CEP112: variants seen among roughly 807,000 people sequenced by gnomAD.
The protein encoded by CEP112 is centrosomal protein 112, also known as centrosomal protein of 112 kDa.
CEP112 carries 127 observed loss-of-function variants against 153.0 expected under a neutral mutation model. The observed-to-expected ratio is 0.83, with a 90% CI of 0.72 to 0.96. The LOEUF (loss-of-function observed/expected upper bound fraction) is 0.96, where lower values mean the gene tolerates loss of function less well. Among genes scored for constraint, CEP112 ranks in the 40% least tolerant of loss-of-function variants. The pLI, the probability that CEP112 is intolerant of heterozygous loss-of-function variation, is 0.00. For synonymous variants in CEP112, 358 were observed against 374.4 expected, an observed-to-expected ratio of 0.96 and a Z score of 0.51; for missense variants, 1,089 against 1,101.2, an observed-to-expected ratio of 0.99 and a Z score of 0.16.
chr17:65,708,084 C>T (rs1202948794), intron 23 of CEP112, among the ~76,000 whole-genome samples: 1 of 152,068 alleles, frequency 6.6e-6, no homozygotes, highest in Middle Eastern at 3.2e-3. Flanking sequence ...TGAAATGAAC[C>T]ACCACAAACC....
chr17:65,932,214 T>G (rs2061150972), intron 18 of CEP112, among the ~76,000 whole-genome samples: 1 of 152,188 alleles, frequency 6.6e-6, no homozygotes, highest in Non-Finnish European at 1.5e-5. Context: ...TCATGGTCAC[T>G]ATCAGCTGGT....
intron 24 of CEP112, among the ~76,000 whole-genome samples, chr17:65,642,333 C>A (rs2045188937): frequency 6.6e-6 from 1 of 152,152 alleles, no homozygotes; most frequent in African/African-American, 2.4e-5. Flanking sequence ...TTGTGTACGA[C>A]TGAGTTGAGT....
At chr17:65,924,945 A>G (rs1174404636) in intron 19 of CEP112, among the ~76,000 whole-genome samples, 2 of 151,814 alleles carry the variant, frequency 1.3e-5, no homozygotes, top group Non-Finnish European at 2.9e-5. Context: ...CAGTACTCTC[A>G]CCCTTCCCCT....
intron 24 of CEP112, among the ~76,000 whole-genome samples, chr17:65,675,607 C>T (rs2047193836): frequency 6.6e-6 from 1 of 150,930 alleles, no homozygotes; most frequent in African/African-American, 2.4e-5. Flanking sequence ...AACTTTAACA[C>T]CAACATCCGA....
At chr17:66,095,270 T>G (rs987697458) in intron 8 of CEP112, among the ~76,000 whole-genome samples, 1 of 151,674 alleles carries the variant, frequency 6.6e-6, no homozygotes, top group Non-Finnish European at 1.5e-5. Context: ...ATGAAAAAAA[T>G]GTGATATATA....
intron 16 of CEP112, among the ~76,000 whole-genome samples, chr17:66,019,380 G>A (rs1056563345): frequency 9.9e-5 from 15 of 152,098 alleles, no homozygotes; most frequent in African/African-American, 3.1e-4. Context: ...CAGAGCTACG[G>A]AAGATTTATG....
chr17:65,761,323 A>G lies in CEP112; in HGVS notation c.2395-10599T>C, dbSNP rs1057163815. Reference sequence around the variant, plus strand: ...AAGACAGGGTCTCACTATGTTGCTCAGGCTGGATTCAAACTCCTAGGCACA... The same window carrying G: ...AAGACAGGGTCTCACTATGTTGCTCGGGCTGGATTCAAACTCCTAGGCACA... On this transcript the variant is annotated intron_variant, in intron 21 of 26. Transcript: ENST00000535342. Among the ~76,000 whole-genome samples the G allele has an allele frequency of 2.0e-4, 30 of 152,034 alleles. 1 individual carries two copies. The highest frequency in any genetic ancestry group is 7.0e-4 in the African/African-American group (29 of 41,508).
At chr17:65,974,972 TAAGGAC>T (rs2062978849) in intron 17 of CEP112, among the ~76,000 whole-genome samples, 1 of 151,266 alleles carries the variant, frequency 6.6e-6, no homozygotes, top group South Asian at 2.1e-4. Flanking sequence ...AAAAATGAAA[TAAGGAC>T]AGGAGAGGGA....
chr17:65,648,221 A>G (rs189935968), intron 24 of CEP112, among the ~76,000 whole-genome samples: 1 of 152,208 alleles, frequency 6.6e-6, no homozygotes, highest in East Asian at 1.9e-4. Flanking sequence ...CACCAAAGAG[A>G]GGGGCTTCCC....
intron 21 of CEP112, among the ~76,000 whole-genome samples, chr17:65,838,533 T>C (rs1477537609): frequency 6.6e-6 from 1 of 152,026 alleles, no homozygotes; most frequent in Non-Finnish European, 1.5e-5. Flanking sequence ...TAACAATAAA[T>C]GCCTACATCA....
intron 17 of CEP112, among the ~76,000 whole-genome samples, chr17:65,982,976 T>C (rs568935091): frequency 2.0e-5 from 3 of 152,288 alleles, no homozygotes; most frequent in Non-Finnish European, 2.9e-5. Context: ...AGGTCACATA[T>C]TGTATGATTC....
intron 23 of CEP112, among the ~76,000 whole-genome samples, chr17:65,689,422 G>C (rs577696130): frequency 2.2e-5 from 3 of 137,094 alleles, no homozygotes; most frequent in African/African-American, 7.7e-5. Flanking sequence ...AAATTCCAAA[G>C]TTATAAAATA....
chr17:65,927,773 G>T, intron 18 of CEP112, 84 bp from the exon 19 acceptor site: 1 of 778,528 alleles, frequency 1.3e-6, no homozygotes, highest in Non-Finnish European at 1.9e-6. Flanking sequence ...TTGTTTAAAT[G>T]ACAGATTTTA....
At chr17:65,896,613 T>C (rs1240002679) in intron 20 of CEP112, among the ~76,000 whole-genome samples, 1 of 152,076 alleles carries the variant, frequency 6.6e-6, no homozygotes, top group African/African-American at 2.4e-5. Flanking sequence ...TGCATACTAA[T>C]GAAACATGAT....
At chr17:65,997,883 T>A (rs1182221092) in intron 17 of CEP112, among the ~76,000 whole-genome samples, 1 of 151,858 alleles carries the variant, frequency 6.6e-6, no homozygotes, top group East Asian at 1.9e-4. Context: ...GGAAGCAACA[T>A]ATTGAGGCTA....
Position 66,029,765 on chromosome 17 carries a change from C to G in CEP112, c.1373+104G>C, listed in dbSNP as rs2065383693. The G allele has an allele frequency of 7.3e-6, 7 of 959,518 alleles. 1 individual carries two copies. Among genetic ancestry groups the G allele is most frequent in the Non-Finnish European group, 1.1e-5 (7 of 652,248 alleles). 59.4% of individuals were successfully genotyped at this position (959,518 alleles called of 1,614,324 possible). ...AGCAGTATTTAGATTAGAAACTTCC[C>G]AAGGCTAAACGCACAAGGTGTAATT... On this transcript the variant is annotated intron_variant, in intron 13 of 26. Transcript: ENST00000535342.
At chr17:66,127,591 T>C (rs1257052706) in intron 6 of CEP112, among the ~76,000 whole-genome samples, 4 of 152,246 alleles carry the variant, frequency 2.6e-5, no homozygotes, top group African/African-American at 7.2e-5. Flanking sequence ...GCCCATTCCA[T>C]GAACCAGACA....
At chr17:66,096,521 C>T in intron 7 of CEP112, 64 bp downstream of exon 7, 1 of 1,208,574 alleles carries the variant, frequency 8.3e-7, no homozygotes, top group Non-Finnish European at 1.2e-6. Flanking sequence ...CTATAAATAA[C>T]TTAGTGATTA....
In CEP112 at chr17:65,743,130, C is replaced by T; in HGVS notation, c.2545G>A (p.Val849Ile). 1.2e-6 allele frequency: 2 copies of T among 1,612,960 alleles called. No homozygotes were observed. Among genetic ancestry groups the T allele is most frequent in the East Asian group, 2.2e-5 (1 of 44,868 alleles). ...TTCTCATCTTCAAACTTTTGTCTAA[C>T]ATCCTGGAGCCGCCTTTCTGCAGCA... ...QLAAERRLQD[V>I]RQKFEDEKKQ... is the part of the protein sequence containing the mutation. Residue 849 changes from valine to isoleucine, a missense_variant, in exon 23 of 27, where the codon GTT becomes ATT. Val to Ile is a conservative substitution (Grantham distance 29). Coordinates refer to ENST00000535342, the MANE Select transcript of CEP112 (RefSeq NM_001199165.4).
Sources: gnomAD v4.1 joint callset for allele counts (sites outside exome capture counted in the v4.1 genomes callset) on GRCh38, gnomAD v4.1.1 for gene constraint, MANE v1.5 for transcripts, NCBI Gene and HGNC (gene_info 2026-07-23, HGNC 2026-07-21) for gene names.